The following LRBA variants were observed in gnomAD, a reference collection of about 807,000 sequenced individuals.
LRBA encodes LPS responsive beige-like anchor protein, also known as lipopolysaccharide-responsive and beige-like anchor protein.
Under a neutral mutation model 330.0 loss-of-function variants are expected in LRBA, and 176 were observed. The observed-to-expected ratio is 0.53, with a 90% CI of 0.47 to 0.60. LRBA has a LOEUF of 0.60. Among genes scored for constraint, LRBA ranks in the 20% least tolerant of loss-of-function variants. The probability of loss-of-function intolerance (pLI) is 0.00; values close to 1 mark genes in which losing one functional copy is unlikely to be tolerated. For missense variants in LRBA, 3,259 were observed against 3,444.8 expected, an observed-to-expected ratio of 0.95 and a Z score of 1.35; for synonymous variants, 1,230 against 1,193.0, an observed-to-expected ratio of 1.03 and a Z score of -0.64.
At chr4:150,929,686 G>A (rs1734250484) in intron 2 of LRBA, among the ~76,000 whole-genome samples, 1 of 152,068 alleles carries the variant, frequency 6.6e-6, no homozygotes, top group South Asian at 2.1e-4. Context: ...ATCTCACCCA[G>A]AGCCTCCCCA....
At chr4:150,499,858 G>A (rs560416958) in intron 40 of LRBA, among the ~76,000 whole-genome samples, 2 of 152,032 alleles carry the variant, frequency 1.3e-5, no homozygotes, top group African/African-American at 2.4e-5. Context: ...TCTTTGATGG[G>A]TATCAAAAGC....
intron 41 of LRBA, among the ~76,000 whole-genome samples, chr4:150,489,177 G>GAATATATAATATATTATATA (rs372286850): frequency 5.4e-5 from 1 of 18,424 alleles, no homozygotes; most frequent in African/African-American, 1.3e-4. Flanking sequence ...TTATATATAA[G>GAATATATAATATATTATATA]TATATAATAT....
chr4:150,820,691 A>C (rs376650686), intron 30 of LRBA, among the ~76,000 whole-genome samples: 1 of 152,006 alleles, frequency 6.6e-6, no homozygotes, highest in East Asian at 1.9e-4. Context: ...AGTTACAATG[A>C]TCCAATTAAA....
At chr4:150,324,244 G>A (rs1581013602) in intron 49 of LRBA, among the ~76,000 whole-genome samples, 1 of 152,174 alleles carries the variant, frequency 6.6e-6, no homozygotes, top group Admixed American at 6.5e-5. Context: ...GCTTCCATTT[G>A]CCAGCACCAA....
Position 150,583,446 on chromosome 4 carries a change from G to A in LRBA, c.6330+4602C>T, listed in dbSNP as rs1251278064. The A allele has an allele frequency of 1.2e-6, 2 of 1,613,860 alleles. No individual in the cohort carries two copies. Among genetic ancestry groups the A allele is most frequent in the East Asian group, 2.2e-5 (1 of 44,862 alleles). ...GTTTCCAGACGCTGGTGGCCCAGGC[G>A]GTGGACAAGTGCAGCTATCGGGATG... On this transcript the variant is annotated intron_variant, in intron 40 of 56. Transcript: ENST00000651943. This position sits in a 1 kb window ranked among gnomAD's most constrained non-coding sequence, Gnocchi z 9.8.
chr4:150,590,940 A>G, intron 38 of LRBA, 81 bp from the exon 39 acceptor site: 1 of 1,318,746 alleles, frequency 7.6e-7, no homozygotes, highest in East Asian at 2.3e-5. Context: ...AGGTAAGGGT[A>G]GGTGGCCAAA....
chr4:150,757,170 A>G (rs1422439989), intron 35 of LRBA, among the ~76,000 whole-genome samples: 2 of 152,190 alleles, frequency 1.3e-5, no homozygotes, highest in Non-Finnish European at 2.9e-5. Flanking sequence ...TGTTGTTTAC[A>G]TGAAAAATAC....
intron 30 of LRBA, among the ~76,000 whole-genome samples, chr4:150,818,618 G>A (rs1043154448): frequency 8.8e-5 from 13 of 148,384 alleles, no homozygotes; most frequent in South Asian, 2.2e-4. Flanking sequence ...CAAAAACAAC[G>A]CAAAATGTAA....
At chr4:150,662,223 A>C (rs559662959) in intron 37 of LRBA, among the ~76,000 whole-genome samples, 2 of 152,350 alleles carry the variant, frequency 1.3e-5, no homozygotes, top group South Asian at 2.1e-4. Context: ...TGATTATTAT[A>C]ATATGAAAGA....
intron 15 of LRBA, among the ~76,000 whole-genome samples, chr4:150,896,709 A>G (rs1276702223): frequency 6.6e-6 from 1 of 152,100 alleles, no homozygotes; most frequent in Non-Finnish European, 1.5e-5. Flanking sequence ...TACTAAAGCT[A>G]CAGAATCCTG....
At chr4:150,928,246 T>C (rs573301412) in intron 4 of LRBA, among the ~76,000 whole-genome samples, 1 of 152,260 alleles carries the variant, frequency 6.6e-6, no homozygotes, top group African/African-American at 2.4e-5. Context: ...ACATTTATCT[T>C]TTTTTCTAAT....
At chr4:150,720,861 G>A (rs1194686341) in intron 36 of LRBA, 1 of 282,702 alleles carries the variant, frequency 3.5e-6, no homozygotes, top group African/African-American at 2.3e-5. Flanking sequence ...GAAATTAAGG[G>A]AAAATATCAG....
Position 150,583,685 on chromosome 4 carries a change from C to A in LRBA, c.6330+4363G>T. On this transcript the variant is annotated intron_variant, in intron 40 of 56. Transcript: ENST00000651943. The surrounding 1 kb of genome is among the most constrained non-coding windows in gnomAD (Gnocchi z 9.8). Reference sequence around the variant, plus strand: ...CTCTCGAAGGAGTGCTACTCGCTGACCGGCAAGCAGAGCTCGGCAGAGAGC... The same window carrying A: ...CTCTCGAAGGAGTGCTACTCGCTGAACGGCAAGCAGAGCTCGGCAGAGAGC... 6.2e-7 allele frequency: 1 copy of A among 1,613,730 alleles called. No homozygotes were observed. Among genetic ancestry groups the A allele is most frequent in the South Asian group, 1.1e-5 (1 of 91,020 alleles).
rs1729827587 is a variant in LRBA at position 150,302,686 on chromosome 4, A to G, written c.7956T>C (p.Asp2652=). ...TCCAATACCACAGCAAAAGAGTTGCATCACGTGACCCTGAGAGAATGTAGC... is the reference window on the plus strand; with the variant it reads ...TCCAATACCACAGCAAAAGAGTTGCGTCACGTGACCCTGAGAGAATGTAGC... ...GNCYILSGSR[D]ATLLLWYWNG... is the part of the protein sequence containing the mutation. The change falls in exon 53 of 57, where the codon GAT becomes GAC. Residue 2652 remains aspartate (D), a synonymous_variant. Transcript: ENST00000651943. 2 of 1,613,202 alleles carry G rather than the reference A, an allele frequency of 1.2e-6. No homozygotes were observed. The highest frequency in any genetic ancestry group is 1.7e-6 in the Non-Finnish European group (2 of 1,179,408).
At chr4:150,724,070 T>C (rs1243109470) in intron 36 of LRBA, among the ~76,000 whole-genome samples, 1 of 152,154 alleles carries the variant, frequency 6.6e-6, no homozygotes, top group African/African-American at 2.4e-5. Context: ...TGCTAAGCTG[T>C]TTAACTCCAG....
chr4:150,767,177 C>T (rs1357984645), intron 34 of LRBA, among the ~76,000 whole-genome samples: 1 of 152,150 alleles, frequency 6.6e-6, no homozygotes, highest in Non-Finnish European at 1.5e-5. Context: ...TACCAATTAA[C>T]ACACTATGCA....
Position 150,518,202 on chromosome 4 carries a change from C to A in LRBA, c.6331-27167G>T, listed in dbSNP as rs757828360. 2.6e-5 allele frequency among the ~76,000 whole-genome samples: 4 copies of A among 152,228 alleles called. No individual in the cohort carries two copies. The South Asian group carries it at 6.2e-4, about 24-fold the overall frequency. ...AAGTAAAATAAGGGTTACTTGAACA[C>A]AAGAACTGTGTTACCACATTAGTGG... On this transcript the variant is annotated intron_variant, in intron 40 of 56. Transcript: ENST00000651943.
At chr4:150,678,256 A>G (rs1024140244) in intron 37 of LRBA, among the ~76,000 whole-genome samples, 12 of 151,866 alleles carry the variant, frequency 7.9e-5, no homozygotes, top group Non-Finnish European at 1.6e-4. Context: ...AAAAAAAAAA[A>G]AAAGAAAGAA....
chr4:150,369,871 T>C (rs1452195658), intron 47 of LRBA, among the ~76,000 whole-genome samples: 2 of 152,156 alleles, frequency 1.3e-5, no homozygotes, highest in Non-Finnish European at 2.9e-5. Flanking sequence ...TAAAGAGTCC[T>C]CCATTATTAC....
Sources: gnomAD v4.1 joint callset for allele counts (sites outside exome capture counted in the v4.1 genomes callset) on GRCh38, gnomAD v4.1.1 for gene constraint, Gnocchi (gnomAD v3.1) non-coding constraint, MANE v1.5 for transcripts, NCBI Gene and HGNC (gene_info 2026-07-23, HGNC 2026-07-21) for gene names.